The following ZNF117 variants were observed in gnomAD, a reference collection of about 807,000 sequenced individuals.
ZNF117 encodes Krueppel-related zinc finger protein.
ZNF117 carries 37 observed loss-of-function variants against 41.2 expected under a neutral mutation model. The observed-to-expected ratio is 0.90, with a 90% CI of 0.69 to 1.18. The LOEUF is 1.18. Among genes scored for constraint, ZNF117 ranks in the 50% most tolerant of loss-of-function variants. The pLI is 0.00. For synonymous variants in ZNF117, 186 were observed against 186.6 expected, an observed-to-expected ratio of 1.00 and a Z score of 0.02; for missense variants, 546 against 557.5, an observed-to-expected ratio of 0.98 and a Z score of 0.21.
rs1233764236 is a variant in ZNF117, at chr7:64,978,066, T to A, written c.*53A>T. The A allele has an allele frequency of 3.2e-6, 5 of 1,569,012 alleles. No individual in the cohort carries two copies. In the African/African-American group the frequency reaches 6.8e-5, roughly 21 times the overall value. ...AGAAGTTTTGCCACATTCTTCACACTTGTAAGGTTTCTCTCCAGTATGAAT... is the reference window on the plus strand; with the variant it reads ...AGAAGTTTTGCCACATTCTTCACACATGTAAGGTTTCTCTCCAGTATGAAT... On this transcript the variant is annotated 3_prime_UTR_variant, in exon 3 of 3. Transcript: ENST00000620222.
chr7:64,989,570 G>A (rs1786218449), intron 1 of ZNF117, among the ~76,000 whole-genome samples: 1 of 142,042 alleles, frequency 7.0e-6, no homozygotes, highest in African/African-American at 2.6e-5. Context: ...ATTTTATGAT[G>A]AAGATACCAA....
intron 2 of ZNF117, chr7:64,980,206 A>G (rs1292932981): frequency 6.6e-6 from 1 of 152,102 alleles, no homozygotes; most frequent in Non-Finnish European, 1.5e-5. Context: ...CAGGATCTCT[A>G]GCTAAGACAA....
rs996265736 is a variant in ZNF117 at position 64,975,253 on chromosome 7, CAAT to C, written c.*2863_*2865del. 6 of 150,388 alleles carry C rather than the reference CAAT, an allele frequency of 4.0e-5. No individual in the cohort carries two copies. In the Admixed American group the frequency reaches 4.0e-4, roughly 10 times the overall value. The allele number at this position is 150,388 out of a possible 1,614,324, so 9.3% of individuals were successfully genotyped here. ...AAGTTTAATTAAAAAATTAAGTTCACAATAATCTAAAATTTTTTAAATGTGCTG... is the reference window on the plus strand; with the variant it reads ...AAGTTTAATTAAAAAATTAAGTTCACAATCTAAAATTTTTTAAATGTGCTG... On this transcript the variant is annotated 3_prime_UTR_variant, in exon 3 of 3. Coordinates refer to ENST00000620222, the Ensembl canonical transcript of ZNF117.
downstream of ZNF117, chr7:64,972,680 A>T (rs73365318): frequency 8.5e-5 from 13 of 152,196 alleles, no homozygotes; most frequent in African/African-American, 2.9e-4. Context: ...GTCAAAGAAT[A>T]CATAATTATA....
chr7:64,980,336 CTCTA>C (rs1366312693), intron 2 of ZNF117: 3 of 151,836 alleles, frequency 2.0e-5, no homozygotes, highest in Non-Finnish European at 2.9e-5. Flanking sequence ...GGCAACATAG[CTCTA>C]TCAGATATTA....
At chr7:64,978,497 C>T (rs1032053782) in exon 3 of ZNF117, 1 of 1,613,388 alleles carries the variant, frequency 6.2e-7, no homozygotes, top group Non-Finnish European at 8.5e-7. Flanking sequence ...TGTAGGGTTT[C>T]TCTCCAGTAT....
upstream of ZNF117, among the ~76,000 whole-genome samples, chr7:64,983,265 A>G (rs779076838): frequency 2.0e-5 from 3 of 152,156 alleles, no homozygotes; most frequent in Non-Finnish European, 2.9e-5. Context: ...CCCAATAGGA[A>G]TCTTGAGTAG....
chr7:64,986,692 C>A (rs933856298), upstream of ZNF117, among the ~76,000 whole-genome samples: 1 of 152,018 alleles, frequency 6.6e-6, no homozygotes, highest in Non-Finnish European at 1.5e-5. Context: ...ATTTAAGAAC[C>A]AAAAGGATAG....
upstream of ZNF117, among the ~76,000 whole-genome samples, chr7:64,985,265 C>T (rs535325883): frequency 1.3e-5 from 2 of 152,294 alleles, no homozygotes; most frequent in Admixed American, 6.5e-5. Flanking sequence ...CTACAGACTC[C>T]ACTGTTCAGT....
At chr7:64,985,966 A>AG (rs1393047150), upstream of ZNF117, among the ~76,000 whole-genome samples, 5 of 151,200 alleles carry the variant, frequency 3.3e-5, no homozygotes, top group Admixed American at 6.6e-5. Context: ...AAAAAAAAAA[A>AG]AAAAGAAAGA....
intron 1 of ZNF117, among the ~76,000 whole-genome samples, chr7:64,987,314 T>G (rs1347867673): frequency 6.6e-6 from 1 of 152,118 alleles, no homozygotes; most frequent in Admixed American, 6.5e-5. Context: ...AAAGAAGAAT[T>G]TATAGCACTA....
exon 3 of ZNF117, chr7:64,977,620 T>C (rs568931018): frequency 5.9e-6 from 4 of 683,680 alleles, no homozygotes; most frequent in African/African-American, 5.4e-5. Flanking sequence ...GACACTTGGC[T>C]AAAAGCTTTG....
exon 3 of ZNF117, chr7:64,979,144 C>T: frequency 1.9e-6 from 3 of 1,607,918 alleles, no homozygotes; most frequent in South Asian, 2.2e-5. Flanking sequence ...AAGGCTCTTC[C>T]ATATGCTTCA....
upstream of ZNF117, among the ~76,000 whole-genome samples, chr7:64,983,544 G>C (rs35281840): frequency 0.38 from 57,701 of 152,042 alleles, 11,189 homozygotes; most frequent in Middle Eastern, 0.43. Flanking sequence ...CCAGGAGGCA[G>C]AGTGGACACA....
At chr7:64,988,441 G>A (rs1451894587) in intron 1 of ZNF117, among the ~76,000 whole-genome samples, 2 of 152,140 alleles carry the variant, frequency 1.3e-5, no homozygotes, top group Admixed American at 6.5e-5. Context: ...ACTAGGCATA[G>A]AAGATACATA....
upstream of ZNF117, among the ~76,000 whole-genome samples, chr7:64,987,022 C>T (rs1786150721): frequency 6.6e-6 from 1 of 152,124 alleles, no homozygotes; most frequent in Non-Finnish European, 1.5e-5. Context: ...GTGGCCCATA[C>T]TCTAAAATTG....
intron 1 of ZNF117, among the ~76,000 whole-genome samples, chr7:64,988,962 G>T (rs2129121159): frequency 6.6e-6 from 1 of 152,030 alleles, no homozygotes; most frequent in African/African-American, 2.4e-5. Context: ...AATAAATGGA[G>T]ATTTATTTTA....
At chr7:64,990,703 GAAT>G (rs1371487475) in exon 1 of ZNF117, 2 of 152,376 alleles carry the variant, frequency 1.3e-5, no homozygotes, top group African/African-American at 4.8e-5. Flanking sequence ...GCAGAACAAA[GAAT>G]AATGTTATGG....
downstream of ZNF117, chr7:64,973,330 T>TA (rs1252290093): frequency 6.6e-6 from 1 of 152,008 alleles, no homozygotes; most frequent in African/African-American, 2.4e-5. Context: ...ATTCTTCACT[T>TA]ACCATTTGCT....
Sources: gnomAD v4.1 joint callset for allele counts (sites outside exome capture counted in the v4.1 genomes callset) on GRCh38, gnomAD v4.1.1 for gene constraint, MANE v1.5 for transcripts, NCBI Gene and HGNC (gene_info 2026-07-23, HGNC 2026-07-21) for gene names.